The following TAOK1 variants were observed in gnomAD, a reference collection of about 807,000 sequenced individuals.
TAOK1 encodes the protein TAO kinase 1.
Under a neutral mutation model 138.3 loss-of-function variants are expected in TAOK1, and 21 were observed. That is an observed-to-expected ratio of 0.15 (90% CI 0.11 to 0.22). The LOEUF (loss-of-function observed/expected upper bound fraction) is 0.22. TAOK1 is among the 10% of genes least tolerant of loss of function. The pLI, the probability that TAOK1 is intolerant of heterozygous loss-of-function variation, is 1.00. For synonymous variants in TAOK1, 361 were observed against 398.4 expected (o/e 0.91, Z 1.12); for missense variants, 651 against 1,227.7 (o/e 0.53, Z 7.02).
At chr17:29,448,811 A>G (rs1357960336) in intron 1 of TAOK1, among the ~76,000 whole-genome samples, 2 of 149,250 alleles carry the variant, frequency 1.3e-5, no homozygotes, top group Admixed American at 1.3e-4. Context: ...ATAACTGTAG[A>G]TGGTAAGGGG....
rs149331953 is a variant in TAOK1, at chr17:29,432,581, C to T, written c.-94-18874C>T. On this transcript the variant is annotated intron_variant, in intron 1 of 19. Transcript: ENST00000261716. ...TCCTGACCTCGTGATCCACCCATCT[C>T]GGCCTCCCAAAGTGCTGGGATTACA... Among the ~76,000 whole-genome samples the T allele has an allele frequency of 8.7e-3, 1,318 of 152,230 alleles. 22 individuals are homozygous for T. The highest frequency in any genetic ancestry group is 0.03 in the African/African-American group (1,246 of 41,538).
At chr17:29,419,362 A>G (rs1344591749) in intron 1 of TAOK1, among the ~76,000 whole-genome samples, 1 of 151,758 alleles carries the variant, frequency 6.6e-6, no homozygotes, top group Non-Finnish European at 1.5e-5. Context: ...ACACCCGACT[A>G]ATTTTGTATT....
intron 19 of TAOK1, 55 bp downstream of exon 19, chr17:29,534,355 G>A (rs143911133): frequency 1.9e-5 from 26 of 1,390,980 alleles, no homozygotes; most frequent in Middle Eastern, 2.2e-4. Context: ...TGTCAGAAGC[G>A]TTTTATAAAT....
At chr17:29,399,671 T>C (rs1488538427) in intron 1 of TAOK1, among the ~76,000 whole-genome samples, 1 of 152,178 alleles carries the variant, frequency 6.6e-6, no homozygotes, top group Non-Finnish European at 1.5e-5. Context: ...ATAGTTAGAA[T>C]ATCAAGGTAG....
At chr17:29,419,798 T>C (rs1461523239) in intron 1 of TAOK1, among the ~76,000 whole-genome samples, 2 of 152,120 alleles carry the variant, frequency 1.3e-5, no homozygotes, top group Non-Finnish European at 2.9e-5. Context: ...TCAGCCATGA[T>C]TTTTAATTTT....
chr17:29,393,516 C>G (rs1904494689), intron 1 of TAOK1, among the ~76,000 whole-genome samples: 1 of 152,170 alleles, frequency 6.6e-6, no homozygotes, highest in Non-Finnish European at 1.5e-5. Context: ...TCTGATGCCA[C>G]TGTCAGAAAG....
intron 19 of TAOK1, among the ~76,000 whole-genome samples, chr17:29,537,525 G>C (rs548636772): frequency 8.1e-6 from 1 of 124,014 alleles, no homozygotes; most frequent in Admixed American, 8.3e-5. Flanking sequence ...TTTTTTTTTT[G>C]GAGGGGGCAA....
chr17:29,516,737 G>A (rs2031823581), intron 15 of TAOK1, among the ~76,000 whole-genome samples: 1 of 152,066 alleles, frequency 6.6e-6, no homozygotes, highest in African/African-American at 2.4e-5. Flanking sequence ...CCAACCTCAG[G>A]TGATCTGCCT....
At chr17:29,454,287 T>A (rs186447428) in intron 2 of TAOK1, among the ~76,000 whole-genome samples, 3 of 152,238 alleles carry the variant, frequency 2.0e-5, no homozygotes, top group Non-Finnish European at 4.4e-5. Context: ...ATGTCTATCT[T>A]TATGTCAGTA....
intron 1 of TAOK1, among the ~76,000 whole-genome samples, chr17:29,443,729 T>G (rs1359446890): frequency 6.6e-6 from 1 of 152,206 alleles, no homozygotes. Flanking sequence ...TTAGATAATT[T>G]AAAAAATGTA....
chr17:29,400,904 C>CTTT (rs10539936), intron 1 of TAOK1, among the ~76,000 whole-genome samples: 157 of 105,074 alleles, frequency 1.5e-3, no homozygotes, highest in Non-Finnish European at 2.0e-3. Context: ...TTGTTTGCCT[C>CTTT]TTTTTTTTTT....
At chr17:29,414,087 G>C in intron 1 of TAOK1, among the ~76,000 whole-genome samples, 1 of 151,912 alleles carries the variant, frequency 6.6e-6, no homozygotes, top group Non-Finnish European at 1.5e-5. Context: ...GTTTCACTGT[G>C]TTAGCCAGGA....
chr17:29,482,601 T>C (rs557604611), intron 8 of TAOK1, among the ~76,000 whole-genome samples: 2 of 152,248 alleles, frequency 1.3e-5, no homozygotes, highest in South Asian at 4.1e-4. Flanking sequence ...TTACCAGATT[T>C]ACCAGCTATA....
intron 10 of TAOK1, among the ~76,000 whole-genome samples, chr17:29,492,886 A>G (rs1393362024): frequency 1.3e-5 from 2 of 152,236 alleles, no homozygotes; most frequent in Admixed American, 1.3e-4. Flanking sequence ...CACGCCTGTA[A>G]CCCCAGCTCT....
rs1419643777 is a variant in TAOK1, at chr17:29,549,343, G to A, written c.*6321G>A. On this transcript the variant is annotated 3_prime_UTR_variant, in exon 20 of 20. Coordinates refer to ENST00000261716, the MANE Select transcript of TAOK1 (RefSeq NM_020791.4). Reference sequence around the variant, plus strand: ...CCTCAGTTGTATGCTTTCAGTACTCGTGTTAATATGTTTCTATGGCAACTC... The same window carrying A: ...CCTCAGTTGTATGCTTTCAGTACTCATGTTAATATGTTTCTATGGCAACTC... 1 of 152,162 alleles carries A rather than the reference G, an allele frequency of 6.6e-6. No individual in the cohort carries two copies. Among genetic ancestry groups the A allele is most frequent in the East Asian group, 1.9e-4 (1 of 5,204 alleles). The allele number at this position is 152,162 out of a possible 1,614,324, so 9.4% of individuals were successfully genotyped here.
At chr17:29,451,714 A>G (rs2030240331) in intron 2 of TAOK1, 34 bp downstream of exon 2, 1 of 1,599,394 alleles carries the variant, frequency 6.3e-7, no homozygotes, top group African/African-American at 1.3e-5. Flanking sequence ...AGTGACTAAA[A>G]TTTACTTAAT....
intron 3 of TAOK1, among the ~76,000 whole-genome samples, chr17:29,474,576 C>G (rs2030899483): frequency 6.6e-6 from 1 of 152,138 alleles, no homozygotes; most frequent in Non-Finnish European, 1.5e-5. Flanking sequence ...TGGGGAATGG[C>G]TGGCTGGTGG....
intron 18 of TAOK1, 60 bp from the exon 19 acceptor site, chr17:29,534,058 T>G: frequency 4.7e-6 from 7 of 1,483,212 alleles, no homozygotes; most frequent in Non-Finnish European, 6.3e-6. Flanking sequence ...CCATAGGTCA[T>G]GAATTGATAG....
chr17:29,403,022 A>C (rs1799702947), intron 1 of TAOK1, among the ~76,000 whole-genome samples: 1 of 151,880 alleles, frequency 6.6e-6, no homozygotes, highest in Non-Finnish European at 1.5e-5. Flanking sequence ...TTAGCCGTGC[A>C]TGGTGGCGGG....
Sources: gnomAD v4.1 joint callset for allele counts (sites outside exome capture counted in the v4.1 genomes callset) on GRCh38, gnomAD v4.1.1 for gene constraint, MANE v1.5 for transcripts, NCBI Gene and HGNC (gene_info 2026-07-23, HGNC 2026-07-21) for gene names.